Variants in PTPRM observed in about 807,000 individuals in gnomAD.
PTPRM encodes the protein protein tyrosine phosphatase receptor type M.
A neutral mutation model predicts 186.7 loss-of-function variants in PTPRM; 47 were observed. The ratio of observed to expected loss-of-function variants is 0.25; its 90% CI spans 0.20 to 0.32. The LOEUF (loss-of-function observed/expected upper bound fraction) is 0.32. PTPRM is among the 10% of genes least tolerant of loss of function. PTPRM has a pLI of 1.00. For synonymous variants in PTPRM, 668 were observed against 674.9 expected, an observed-to-expected ratio of 0.99 and a Z score of 0.16; for missense variants, 1,494 against 1,865.0, an observed-to-expected ratio of 0.80 and a Z score of 3.66.
At chr18:7,638,345 ATAAAG>A (rs911816808) in intron 1 of PTPRM, among the ~76,000 whole-genome samples, 1 of 152,194 alleles carries the variant, frequency 6.6e-6, no homozygotes, top group Non-Finnish European at 1.5e-5. Context: ...ATGCTTCCTA[ATAAAG>A]TAATTTATTC....
intron 2 of PTPRM, among the ~76,000 whole-genome samples, chr18:7,801,764 A>G (rs2043982817): frequency 6.6e-6 from 1 of 152,130 alleles, no homozygotes; most frequent in Non-Finnish European, 1.5e-5. Context: ...TCACTAGGCG[A>G]TAGGAATTTT....
chr18:7,706,039 A>ATG (rs1440505830), intron 1 of PTPRM, among the ~76,000 whole-genome samples: 2 of 148,796 alleles, frequency 1.3e-5, no homozygotes, highest in African/African-American at 2.4e-5. Flanking sequence ...CATACTATAT[A>ATG]TGTGTGTGTA....
At chr18:7,824,920 G>C (rs1434153694) in intron 2 of PTPRM, among the ~76,000 whole-genome samples, 1 of 152,160 alleles carries the variant, frequency 6.6e-6, no homozygotes, top group African/African-American at 2.4e-5. Context: ...AGGATGCATG[G>C]AACCTCTATT....
chr18:8,253,458 A>G (rs749199039), intron 19 of PTPRM, 44 bp downstream of exon 19: 2 of 1,376,974 alleles, frequency 1.5e-6, no homozygotes, highest in South Asian at 3.9e-5. Context: ...TCCTTCTTGG[A>G]TTCCATGCCA....
intron 7 of PTPRM, among the ~76,000 whole-genome samples, chr18:7,980,860 G>T (rs893815685): frequency 4.6e-5 from 7 of 151,910 alleles, no homozygotes; most frequent in African/African-American, 1.7e-4. Flanking sequence ...GTGTTGATCT[G>T]TCTCCCTCCA....
At chr18:8,363,989 G>A (rs555846833) in intron 23 of PTPRM, among the ~76,000 whole-genome samples, 11 of 152,226 alleles carry the variant, frequency 7.2e-5, no homozygotes, top group African/African-American at 2.4e-4. Flanking sequence ...GCTTTGTGAG[G>A]GTACTTTAAG....
At chr18:8,045,802 G>C (rs903271025) in intron 7 of PTPRM, among the ~76,000 whole-genome samples, 3 of 152,292 alleles carry the variant, frequency 2.0e-5, no homozygotes, top group African/African-American at 7.2e-5. Context: ...CACTTTACAT[G>C]GGTGGATTTT....
intron 1 of PTPRM, among the ~76,000 whole-genome samples, chr18:7,610,302 C>A (rs7507022): frequency 6.6e-6 from 1 of 152,066 alleles, no homozygotes; most frequent in Non-Finnish European, 1.5e-5. Context: ...ATGAATTTCA[C>A]GTAATTTTTA....
chr18:8,184,750 T>A (rs957175211), intron 14 of PTPRM, among the ~76,000 whole-genome samples: 1 of 152,256 alleles, frequency 6.6e-6, no homozygotes, highest in Admixed American at 6.5e-5. Flanking sequence ...GGATTTATTT[T>A]TGATGTTTAA....
At chr18:8,041,130 C>G (rs557990039) in intron 7 of PTPRM, among the ~76,000 whole-genome samples, 2 of 152,208 alleles carry the variant, frequency 1.3e-5, no homozygotes, top group East Asian at 3.9e-4. Context: ...ATAGCATATC[C>G]CATTTATTTC....
intron 1 of PTPRM, among the ~76,000 whole-genome samples, chr18:7,669,072 G>A (rs1383297500): frequency 6.6e-6 from 1 of 152,056 alleles, no homozygotes; most frequent in Non-Finnish European, 1.5e-5. Context: ...GTCTGTTAGA[G>A]AGTGCTGGAC....
At chr18:8,360,658 C>T (rs866239818) in intron 23 of PTPRM, among the ~76,000 whole-genome samples, 13 of 152,128 alleles carry the variant, frequency 8.5e-5, no homozygotes, top group Admixed American at 5.9e-4. Context: ...CTGAAACAGA[C>T]GCACTGCAGG....
At chr18:8,297,481 T>C (rs752007827) in intron 20 of PTPRM, among the ~76,000 whole-genome samples, 6 of 152,232 alleles carry the variant, frequency 3.9e-5, no homozygotes, top group Non-Finnish European at 7.3e-5. Context: ...GTTTCGTGTC[T>C]ATGCTGTCCC....
At chr18:8,340,336 C>G (rs1264245569) in intron 22 of PTPRM, among the ~76,000 whole-genome samples, 1 of 152,106 alleles carries the variant, frequency 6.6e-6, no homozygotes, top group Non-Finnish European at 1.5e-5. Context: ...TCTTCTGGAT[C>G]CACATATCTA....
At chr18:7,613,969 T>C (rs1433725484) in intron 1 of PTPRM, among the ~76,000 whole-genome samples, 1 of 152,176 alleles carries the variant, frequency 6.6e-6, no homozygotes, top group African/African-American at 2.4e-5. Flanking sequence ...TAGATAGTTA[T>C]TGGAAAAAAG....
intron 2 of PTPRM, among the ~76,000 whole-genome samples, chr18:7,825,016 G>T (rs1489046997): frequency 6.6e-6 from 1 of 152,142 alleles, no homozygotes; most frequent in Non-Finnish European, 1.5e-5. Flanking sequence ...GGAGATATTG[G>T]TTTTCTCTTA....
chr18:8,349,784 A>T (rs914543450), intron 23 of PTPRM, among the ~76,000 whole-genome samples: 1 of 152,210 alleles, frequency 6.6e-6, no homozygotes, highest in Non-Finnish European at 1.5e-5. Flanking sequence ...CCATAAAAAC[A>T]CCATGTGAAC....
At chr18:7,681,776 G>A (rs1341925694) in intron 1 of PTPRM, among the ~76,000 whole-genome samples, 2 of 151,752 alleles carry the variant, frequency 1.3e-5, no homozygotes, top group Non-Finnish European at 2.9e-5. Context: ...TTTCATTTCT[G>A]TATCAAAAAT....
intron 1 of PTPRM, among the ~76,000 whole-genome samples, chr18:7,772,375 C>G (rs1598621917): frequency 8.5e-6 from 1 of 118,078 alleles, no homozygotes; most frequent in Non-Finnish European, 1.8e-5. Flanking sequence ...TTCTTTCTTT[C>G]TTTCTTTCTT....
Sources: gnomAD v4.1 joint callset for allele counts (sites outside exome capture counted in the v4.1 genomes callset) on GRCh38, gnomAD v4.1.1 for gene constraint, MANE v1.5 for transcripts, NCBI Gene and HGNC (gene_info 2026-07-23, HGNC 2026-07-21) for gene names.